Variants in PRSS23 observed in about 807,000 individuals in gnomAD.
The protein encoded by PRSS23 is serine protease 23, also known as protease, serine 23.
In PRSS23, 25 loss-of-function variants were observed where a neutral mutation model predicts 34.7. The ratio of observed to expected loss-of-function variants is 0.72; its 90% CI spans 0.53 to 1.01. The LOEUF (loss-of-function observed/expected upper bound fraction) is 1.01. PRSS23 is among the 50% of genes least tolerant of loss of function. The pLI is 0.00. For missense variants in PRSS23, 445 were observed against 475.6 expected, an observed-to-expected ratio of 0.94 and a Z score of 0.60; for synonymous variants, 176 against 186.6, an observed-to-expected ratio of 0.94 and a Z score of 0.46.
chr11:86,799,193 T>C (rs1948002624), upstream of PRSS23, among the ~76,000 whole-genome samples: 1 of 152,202 alleles, frequency 6.6e-6, no homozygotes, highest in Admixed American at 6.5e-5. Context: ...TGCAGTGAGC[T>C]ATGATCCTGC....
chr11:86,820,140 A>G (rs1374687946), intron 1 of PRSS23, among the ~76,000 whole-genome samples: 1 of 152,182 alleles, frequency 6.6e-6, no homozygotes, highest in Non-Finnish European at 1.5e-5. Context: ...ATACTACAGT[A>G]TTTCTTCAAT....
At chr11:86,869,693 A>G (rs890946529) in intron 2 of PRSS23, among the ~76,000 whole-genome samples, 2 of 152,196 alleles carry the variant, frequency 1.3e-5, no homozygotes, top group Admixed American at 6.5e-5. Context: ...CTCATCATGC[A>G]TCATAGCATC....
At chr11:86,863,852 G>T (rs1225274920) in intron 2 of PRSS23, among the ~76,000 whole-genome samples, 2 of 152,196 alleles carry the variant, frequency 1.3e-5, no homozygotes, top group Non-Finnish European at 2.9e-5. Context: ...GTATTAAAGA[G>T]CAAGGCTGCA....
intron 2 of PRSS23, among the ~76,000 whole-genome samples, chr11:86,915,792 T>C (rs1339573213): frequency 6.6e-6 from 1 of 152,086 alleles, no homozygotes; most frequent in Non-Finnish European, 1.5e-5. Flanking sequence ...CTCATGCCTG[T>C]AATCCCAGCG....
chr11:86,916,337 A>T (rs1949012735), intron 2 of PRSS23, among the ~76,000 whole-genome samples: 1 of 152,130 alleles, frequency 6.6e-6, no homozygotes, highest in African/African-American at 2.4e-5. Context: ...TAAATAGTGA[A>T]TGTTTTCATG....
upstream of PRSS23, among the ~76,000 whole-genome samples, chr11:86,796,073 C>G (rs1260488723): frequency 6.6e-6 from 1 of 152,146 alleles, no homozygotes; most frequent in Admixed American, 6.5e-5. Flanking sequence ...TATTACATAA[C>G]TGGAACAAAA....
chr11:86,804,904 A>G (rs551447091), intron 1 of PRSS23, among the ~76,000 whole-genome samples: 38 of 152,310 alleles, frequency 2.5e-4, no homozygotes, highest in Non-Finnish European at 4.9e-4. Context: ...AATACATACT[A>G]TAATACTACC....
At chr11:86,800,525 T>C (rs1948020266), upstream of PRSS23, 1 of 984,534 alleles carries the variant, frequency 1.0e-6, no homozygotes, top group Non-Finnish European at 1.2e-6. Flanking sequence ...CTGCCTGCGC[T>C]GCTCGCCAGC....
At chr11:86,876,880 A>G (rs961495436) in intron 2 of PRSS23, among the ~76,000 whole-genome samples, 1 of 152,240 alleles carries the variant, frequency 6.6e-6, no homozygotes, top group African/African-American at 2.4e-5. Context: ...AATAGGAGGC[A>G]TTCCTAGAGG....
intron 2 of PRSS23, among the ~76,000 whole-genome samples, chr11:86,842,883 C>T (rs180917789): frequency 4.6e-5 from 7 of 152,202 alleles, no homozygotes; most frequent in Non-Finnish European, 1.0e-4. Context: ...TTTCCATCAA[C>T]TAGCACTAAT....
intron 2 of PRSS23, among the ~76,000 whole-genome samples, chr11:86,843,297 A>G (rs572089205): frequency 1.3e-5 from 2 of 152,374 alleles, no homozygotes; most frequent in Non-Finnish European, 2.9e-5. Flanking sequence ...CTTAAATATA[A>G]GACCTAACAC....
intron 2 of PRSS23, among the ~76,000 whole-genome samples, chr11:86,894,235 C>T (rs147279105): frequency 6.6e-6 from 1 of 152,284 alleles, no homozygotes; most frequent in African/African-American, 2.4e-5. Flanking sequence ...GTCTCAAACT[C>T]CTGACCTCAA....
chr11:86,873,235 TACAC>T (rs61195398), intron 2 of PRSS23, among the ~76,000 whole-genome samples: 3 of 135,462 alleles, frequency 2.2e-5, no homozygotes, highest in Non-Finnish European at 3.1e-5. Context: ...TATATATATA[TACAC>T]ACACACACAT....
intron 1 of PRSS23, among the ~76,000 whole-genome samples, chr11:86,794,030 C>G (rs2000538): frequency 0.2 from 29,850 of 151,982 alleles, 3,159 homozygotes; most frequent in Middle Eastern, 0.24. Flanking sequence ...GAATTTTCCA[C>G]AAAGTAAAGG....
At chr11:86,915,001 C>T (rs1949002982) in intron 2 of PRSS23, among the ~76,000 whole-genome samples, 2 of 152,168 alleles carry the variant, frequency 1.3e-5, no homozygotes, top group South Asian at 2.1e-4. Flanking sequence ...ACGTGATTAA[C>T]CTCATAGCCT....
intron 2 of PRSS23, among the ~76,000 whole-genome samples, chr11:86,896,860 A>G (rs981500773): frequency 8.5e-5 from 13 of 152,262 alleles, no homozygotes; most frequent in African/African-American, 3.1e-4. Context: ...GAAATGTTAC[A>G]TTGAAAACTT....
chr11:86,841,419 A>C (rs1433999790), intron 2 of PRSS23, among the ~76,000 whole-genome samples: 1 of 151,988 alleles, frequency 6.6e-6, no homozygotes, highest in African/African-American at 2.4e-5. Flanking sequence ...AAGCTAGCAG[A>C]AGTCAAAAAA....
intron 2 of PRSS23, chr11:86,921,723 G>A (rs1369210452): frequency 6.6e-6 from 1 of 152,214 alleles, no homozygotes; most frequent in Non-Finnish European, 1.5e-5. Flanking sequence ...TGTGGCCCTT[G>A]TGGCAGTTGA....
Position 86,854,569 on chromosome 11 carries a change from A to T in PRSS23, c.206+30976A>T, listed in dbSNP as rs115078729. Among the ~76,000 whole-genome samples the T allele has an allele frequency of 4.6e-3, 697 of 152,304 alleles. 10 individuals are homozygous for T. The highest frequency in any genetic ancestry group is 0.016 in the African/African-American group (676 of 41,550). On this transcript the variant is annotated intron_variant, in intron 2 of 2. Transcript: ENST00000533902. Reference sequence around the variant, plus strand: ...TTGTTGCCTATGCTTTTGGTGTCTTATCCCAGAAAGCATTGTCCACTCTGA... The same window carrying T: ...TTGTTGCCTATGCTTTTGGTGTCTTTTCCCAGAAAGCATTGTCCACTCTGA...
Sources: allele counts gnomAD v4.1 joint callset (sites outside exome capture counted in the v4.1 genomes callset), GRCh38; gene constraint gnomAD v4.1.1; transcripts MANE v1.5; gene names NCBI Gene and HGNC (gene_info 2026-07-23, HGNC 2026-07-21).